Variants in GMFB observed in about 807,000 individuals in gnomAD.
GMFB encodes the protein GMF-beta.
In GMFB, 13 loss-of-function variants were observed where a neutral mutation model predicts 25.6. The observed-to-expected ratio is 0.51, with a 90% CI of 0.33 to 0.81. The LOEUF is 0.81. Ranked by LOEUF, GMFB falls within the 30% of genes least tolerant of loss-of-function variation. The pLI, the probability that GMFB is intolerant of heterozygous loss-of-function variation, is 0.02. For synonymous variants in GMFB, 57 were observed against 56.9 expected (o/e 1.00, Z 0.00); for missense variants, 146 against 175.4 (o/e 0.83, Z 0.95).
At chr14:54,488,890 G>C (rs747493801) in intron 1 of GMFB, 35 bp downstream of exon 1, 61 of 1,547,278 alleles carry the variant, frequency 3.9e-5, no homozygotes, top group Non-Finnish European at 5.2e-5. Flanking sequence ...GGCTCGCCCA[G>C]CCCTCCGGCC....
At chr14:54,479,916 TA>T (rs1436706309) in intron 5 of GMFB, 57 bp from the exon 6 acceptor site, 1 of 961,156 alleles carries the variant, frequency 1.0e-6, no homozygotes, top group African/African-American at 1.6e-5. Flanking sequence ...AGGTATGGGT[TA>T]TCATTATTTT....
chr14:54,488,576 G>C lies in GMFB; in HGVS notation c.3+349C>G, dbSNP rs921204011. The C allele has an allele frequency of 3.0e-4, 83 of 280,730 alleles. 1 individual carries two copies. The highest frequency in any genetic ancestry group is 1.5e-3 in the African/African-American group (69 of 45,728). 17.4% of individuals were successfully genotyped at this position (280,730 alleles called of 1,614,324 possible). ...AAAGCAGGAATTGAGGGAGCCCTCC[G>C]ATGGGGCAGACCCCTTTCCCTCCAA... is the stretch of plus-strand genomic sequence containing the variant. On this transcript the variant is annotated intron_variant, in intron 1 of 6. Coordinates refer to ENST00000358056, the MANE Select transcript of GMFB (RefSeq NM_004124.3).
Position 54,483,467 on chromosome 14 carries a change from ATGGGGGAGGTGGGACAATCCACCTC to A in GMFB, c.100+179_100+203del. On this transcript the variant is annotated intron_variant, in intron 2 of 6. Coordinates refer to ENST00000358056, the MANE Select transcript of GMFB (RefSeq NM_004124.3). ...TGTACAGGCAGCTGATAAAAGGACT[ATGGGGGAGGTGGGACAATCCACCTC>A]TGTTCTGTGACATTAGAATTAGCTG... 7.3e-6 allele frequency: 4 copies of A among 545,326 alleles called. No individual in the cohort carries two copies. The South Asian group carries it at 8.9e-5, about 12-fold the overall frequency. The allele number at this position is 545,326 out of a possible 1,614,324, so 33.8% of individuals were successfully genotyped here. A position where few individuals can be genotyped will look rare whatever the true frequency, so the allele number is the denominator to read the frequency against.
rs2031614991 is a variant in GMFB at position 54,474,811 on chromosome 14, C to G, written c.*3277G>C. 1 of 152,570 alleles carries G rather than the reference C, an allele frequency of 6.6e-6. No homozygotes were observed. The highest frequency in any genetic ancestry group is 1.5e-5 in the Non-Finnish European group (1 of 68,014). The allele number at this position is 152,570 out of a possible 1,614,324, so 9.5% of individuals were successfully genotyped here. ...AAAAGCAATAAAATACAATTTCTAT[C>G]ACAAGTTTACTGTATATGAGCACTG... On this transcript the variant is annotated 3_prime_UTR_variant, in exon 7 of 7. Coordinates refer to ENST00000358056, the MANE Select transcript of GMFB (RefSeq NM_004124.3).
intron 2 of GMFB, 97 bp downstream of exon 2, chr14:54,483,574 T>G: frequency 1.5e-6 from 1 of 666,830 alleles, no homozygotes; most frequent in Non-Finnish European, 2.7e-6. Flanking sequence ...ACAGAGGAAG[T>G]AACATTGCTT....
intron 1 of GMFB, among the ~76,000 whole-genome samples, chr14:54,487,503 C>T (rs2031803266): frequency 6.6e-6 from 1 of 151,822 alleles, no homozygotes; most frequent in Non-Finnish European, 1.5e-5. Flanking sequence ...CGCGCCACTG[C>T]ACTCCAACCA....
Position 54,483,627 on chromosome 14 carries a change from C to T in GMFB, c.100+44G>A, listed in dbSNP as rs2031742583. ...TTCAATGTAGCTACAAGATTAAAAA[C>T]AAATTAAGACCATGTAACTTTGAGG... On this transcript the variant is annotated intron_variant, in intron 2 of 6. Transcript: ENST00000358056. The T allele has an allele frequency of 4.1e-6, 4 of 986,104 alleles. No individual in the cohort carries two copies. In the South Asian group the frequency reaches 4.1e-5, roughly 10 times the overall value. 61.1% of individuals were successfully genotyped at this position (986,104 alleles called of 1,614,324 possible). A position where few individuals can be genotyped will look rare whatever the true frequency, so the allele number is the denominator to read the frequency against.
intron 1 of GMFB, among the ~76,000 whole-genome samples, chr14:54,485,501 G>C (rs548865398): frequency 6.6e-6 from 1 of 152,192 alleles, no homozygotes; most frequent in South Asian, 2.1e-4. Context: ...ATAAAACACA[G>C]ATGAAAGAAA....
intron 1 of GMFB, among the ~76,000 whole-genome samples, chr14:54,485,587 C>G (rs1029297989): frequency 6.6e-6 from 1 of 152,130 alleles, no homozygotes; most frequent in Non-Finnish European, 1.5e-5. Flanking sequence ...AATGTCCATA[C>G]TAACCCAAAG....
rs554244598 is a variant in GMFB, at chr14:54,478,648, A to AT, written c.358-490dup. 7.0e-3 allele frequency: 1,072 copies of AT among 152,374 alleles called. 7 individuals carry two copies. Among genetic ancestry groups the AT allele is most frequent in the Non-Finnish European group, 0.01 (692 of 68,072 alleles). 9.4% of individuals were successfully genotyped at this position (152,374 alleles called of 1,614,324 possible). A position where few individuals can be genotyped will look rare whatever the true frequency, so the allele number is the denominator to read the frequency against. ...AGAATCTGAATCAGGCCCAGAAAGC[A>AT]TAACGGCTATAGAAAAGCAATGTAT... is the stretch of plus-strand genomic sequence containing the variant. On this transcript the variant is annotated intron_variant, in intron 6 of 6. Transcript: ENST00000358056.
intron 1 of GMFB, 69 bp from the exon 2 acceptor site, chr14:54,483,836 C>A: frequency 4.7e-6 from 4 of 852,366 alleles, no homozygotes; most frequent in South Asian, 2.7e-5. Flanking sequence ...AGTTATGAAA[C>A]CTAATACCTT....
At chr14:54,488,849 G>A in intron 1 of GMFB, 76 bp downstream of exon 1, 5 of 1,329,974 alleles carry the variant, frequency 3.8e-6, no homozygotes, top group South Asian at 1.3e-5. Context: ...CGCCGCCGCC[G>A]GCTCCGGAAA....
rs1028949993 is a variant in GMFB, at chr14:54,475,239, T to TG, written c.*2848dup. On this transcript the variant is annotated 3_prime_UTR_variant, in exon 7 of 7. Transcript: ENST00000358056. ...CACCTTCCTTAATATCTATATGGGT[T>TG]GGGGGGAACAGCCAAATTTAATTTG... 6.7e-4 allele frequency: 102 copies of TG among 152,684 alleles called. No homozygotes were observed. The highest frequency in any genetic ancestry group is 2.4e-3 in the African/African-American group (98 of 41,580). The allele number at this position is 152,684 out of a possible 1,614,324, so 9.5% of individuals were successfully genotyped here. A position where few individuals can be genotyped will look rare whatever the true frequency, so the allele number is the denominator to read the frequency against.
intron 1 of GMFB, among the ~76,000 whole-genome samples, chr14:54,485,973 C>T (rs1193585349): frequency 2.6e-5 from 4 of 152,184 alleles, no homozygotes; most frequent in African/African-American, 7.2e-5. Flanking sequence ...GACCCCGGGC[C>T]GGGCACAGTG....
At chr14:54,483,953 A>G in intron 1 of GMFB, 186 bp from the exon 2 acceptor site, 1 of 684,280 alleles carries the variant, frequency 1.5e-6, no homozygotes, top group Non-Finnish European at 2.7e-6. Flanking sequence ...ACATTGCTTA[A>G]TCCTACAAAT....
In GMFB at chr14:54,488,866, A is replaced by C; in HGVS notation, c.3+59T>G. On this transcript the variant is annotated intron_variant, in intron 1 of 6. Coordinates refer to ENST00000358056, the MANE Select transcript of GMFB (RefSeq NM_004124.3). ...CCGCCGCCGGCTCCGGAAACCGGGA[A>C]AACCCGGCTGGCCGGCTCGCCCAGC... 1.3e-6 allele frequency: 2 copies of C among 1,492,478 alleles called. 1 individual carries two copies. The highest frequency in any genetic ancestry group is 1.8e-6 in the Non-Finnish European group (2 of 1,107,158). The allele number at this position is 1,492,478 out of a possible 1,614,324, so 92.5% of individuals were successfully genotyped here. A position where few individuals can be genotyped will look rare whatever the true frequency, so the allele number is the denominator to read the frequency against.
chr14:54,482,017 C>G, intron 3 of GMFB, 136 bp downstream of exon 3: 1 of 626,762 alleles, frequency 1.6e-6, no homozygotes, highest in Non-Finnish European at 2.9e-6. Flanking sequence ...ACAATTAGCA[C>G]ATGCTTTTAT....
At chr14:54,486,721 G>A (rs532640668) in intron 1 of GMFB, among the ~76,000 whole-genome samples, 2 of 152,192 alleles carry the variant, frequency 1.3e-5, no homozygotes, top group Admixed American at 6.5e-5. Flanking sequence ...ACAATCTCAC[G>A]AAACAGATAC....
At chr14:54,488,563 G>A (rs1433551803) in intron 1 of GMFB, 1 of 254,172 alleles carries the variant, frequency 3.9e-6, no homozygotes, top group Non-Finnish European at 7.5e-6. Flanking sequence ...AGCAGGAATT[G>A]AGGGAGCCCT....
Sources: allele counts gnomAD v4.1 joint callset (sites outside exome capture counted in the v4.1 genomes callset), GRCh38; gene constraint gnomAD v4.1.1; transcripts MANE v1.5; gene names NCBI Gene and HGNC (gene_info 2026-07-23, HGNC 2026-07-21).